ITPR1: variants seen among roughly 807,000 people sequenced by gnomAD.
ITPR1 encodes inositol 1,4,5-trisphosphate receptor type 1, also known as inositol 1,4,5-trisphosphate-gated calcium channel ITPR1.
A neutral mutation model predicts 318.4 loss-of-function variants in ITPR1; 96 were observed. The ratio of observed to expected loss-of-function variants is 0.30; its 90% confidence interval spans 0.26 to 0.36. ITPR1 has a LOEUF of 0.36. Ranked by LOEUF, ITPR1 falls within the 10% of genes least tolerant of loss-of-function variation. ITPR1 has a pLI of 1.00. For synonymous variants in ITPR1, 1,312 were observed against 1,289.9 expected (o/e 1.02, Z -0.37); for missense variants, 2,440 against 3,460.2 (o/e 0.71, Z 7.40).
chr3:4,624,013 G>T (rs2092732630), intron 4 of ITPR1, among the ~76,000 whole-genome samples: 1 of 152,176 alleles, frequency 6.6e-6, no homozygotes, highest in African/African-American at 2.4e-5. Flanking sequence ...TTGTGATGTA[G>T]CCCCTTTGTT....
intron 10 of ITPR1, among the ~76,000 whole-genome samples, chr3:4,650,097 G>GTT (rs2093559362): frequency 6.6e-6 from 1 of 152,072 alleles, no homozygotes; most frequent in Non-Finnish European, 1.5e-5. Flanking sequence ...CCATTGTATG[G>GTT]ATGTATCATA....
chr3:4,567,198 CCCCTT>C (rs2087392971), intron 4 of ITPR1, among the ~76,000 whole-genome samples: 1 of 152,156 alleles, frequency 6.6e-6, no homozygotes, highest in Non-Finnish European at 1.5e-5. Flanking sequence ...AGTGGAGTCT[CCCCTT>C]CAATTCTTAC....
chr3:4,697,120 T>A (rs374980724), intron 33 of ITPR1, 27 bp from the exon 34 acceptor site: 1 of 1,607,090 alleles, frequency 6.2e-7, no homozygotes, highest in Non-Finnish European at 8.5e-7. Flanking sequence ...AGATGGTTTT[T>A]CAGAAAAGCT....
At chr3:4,520,624 T>G (rs1432321229) in intron 3 of ITPR1, among the ~76,000 whole-genome samples, 2 of 152,228 alleles carry the variant, frequency 1.3e-5, no homozygotes, top group Non-Finnish European at 2.9e-5. Flanking sequence ...TTAAGGCTCC[T>G]GCACTAGCCT....
At chr3:4,503,789 C>T (rs2081207577) in intron 2 of ITPR1, among the ~76,000 whole-genome samples, 1 of 152,134 alleles carries the variant, frequency 6.6e-6, no homozygotes, top group South Asian at 2.1e-4. Context: ...CTTGGTGAGA[C>T]TTTTGTCTCT....
Position 4,670,834 on chromosome 3 carries a change from C to A in ITPR1, c.2112C>A (p.Ser704Arg). 1 of 1,610,832 alleles carries A rather than the reference C, an allele frequency of 6.2e-7. No individual in the cohort carries two copies. The highest frequency in any genetic ancestry group is 1.7e-5 in the Admixed American group (1 of 59,602). ...AGGTGTGGCTGTTTTGGAGGGACAGCAACAAAGAGATTCGCAGCAAGAGTG... is the reference window on the plus strand; with the variant it reads ...AGGTGTGGCTGTTTTGGAGGGACAGAAACAAAGAGATTCGCAGCAAGAGTG... ...EEEVWLFWRD[S>R]NKEIRSKSVR... The change falls in exon 20 of 62, where the codon AGC (serine) becomes AGA (arginine). Residue 704 changes from serine to arginine, a missense_variant. Coordinates refer to ENST00000649015, the MANE Select transcript of ITPR1 (RefSeq NM_001378452.1).
rs1371723560 is a variant in ITPR1 at position 4,658,173 on chromosome 3, A to G, written c.1046A>G (p.Glu349Gly). Reference sequence around the variant, plus strand: ...CGAAGTAGGTTGCGGAATGCCCAAGAAAAGATGGTATACTCCCTGGTCTCT... The same window carrying G: ...CGAAGTAGGTTGCGGAATGCCCAAGGAAAGATGGTATACTCCCTGGTCTCT... ...ASRSRLRNAQ[E>G]KMVYSLVSVP... Residue 349 changes from glutamate (E) to glycine (G), a missense_variant, in exon 13 of 62, where the codon GAA becomes GGA. Glu to Gly is a moderately conservative substitution (Grantham distance 98). Around this residue, in one of 23 missense-constraint regions of ITPR1, gnomAD observed 101 missense variants for 119.6 expected, o/e 0.84. Coordinates refer to ENST00000649015, the MANE Select transcript of ITPR1 (RefSeq NM_001378452.1). 3.1e-6 allele frequency: 5 copies of G among 1,613,604 alleles called. No individual in the cohort carries two copies. Among genetic ancestry groups the G allele is most frequent in the South Asian group, 2.2e-5 (2 of 91,030 alleles).
chr3:4,609,001 T>TA (rs56738231), intron 4 of ITPR1, among the ~76,000 whole-genome samples: 4,398 of 53,316 alleles, frequency 0.082, 656 homozygotes, highest in Middle Eastern at 0.12. Context: ...ACTCCGTCTT[T>TA]AAAAAAAAAA....
chr3:4,549,994 A>T (rs1459430319), intron 4 of ITPR1, among the ~76,000 whole-genome samples: 27 of 152,264 alleles, frequency 1.8e-4, no homozygotes, highest in Non-Finnish European at 2.9e-5. Context: ...TCTTGAGACA[A>T]CCCTTCAATG....
intron 3 of ITPR1, among the ~76,000 whole-genome samples, chr3:4,518,695 C>A (rs1016849761): frequency 4.6e-5 from 7 of 152,140 alleles, no homozygotes; most frequent in African/African-American, 1.7e-4. Context: ...TTGAGAACTC[C>A]AATAGGATCT....
intron 42 of ITPR1, among the ~76,000 whole-genome samples, chr3:4,730,649 G>C (rs2042864316): frequency 6.6e-6 from 1 of 151,992 alleles, no homozygotes; most frequent in Non-Finnish European, 1.5e-5. Context: ...CTTGATTGCA[G>C]ACTGACCAGG....
chr3:4,670,405 G>C (rs979121242), intron 19 of ITPR1, among the ~76,000 whole-genome samples: 6 of 152,178 alleles, frequency 3.9e-5, no homozygotes, highest in Admixed American at 1.3e-4. Context: ...TTGTTGTGGG[G>C]CTGTGCTAGG....
At chr3:4,762,214 G>A (rs1347634714) in intron 44 of ITPR1, among the ~76,000 whole-genome samples, 3 of 152,122 alleles carry the variant, frequency 2.0e-5, no homozygotes, top group African/African-American at 4.8e-5. Context: ...ATGTTGCCCA[G>A]GTAGGCCTTG....
intron 60 of ITPR1, among the ~76,000 whole-genome samples, chr3:4,831,954 A>G (rs2050547916): frequency 6.6e-6 from 1 of 152,352 alleles, no homozygotes; most frequent in South Asian, 2.1e-4. Context: ...ACCTTATACC[A>G]CACTAGAGCC....
rs1209918924 is a variant in ITPR1 at position 4,710,447 on chromosome 3, A to G, written c.4965A>G (p.Lys1655=). ...CAGAGAACACAGACGCCAGAAGGAAATGTGAAAGTGGCGGTTTCATTTGCA... is the reference window on the plus strand; with the variant it reads ...CAGAGAACACAGACGCCAGAAGGAAGTGTGAAAGTGGCGGTTTCATTTGCA... ...LFPENTDARR[K]CESGGFICKL... Residue 1655 remains lysine, a synonymous_variant, in exon 38 of 62, where the codon AAA becomes AAG. Transcript: ENST00000649015. This position sits in a 1 kb window ranked among gnomAD's most constrained non-coding sequence, Gnocchi z 4.2. The G allele has an allele frequency of 6.4e-7, 1 of 1,554,136 alleles. No individual in the cohort carries two copies. The highest frequency in any genetic ancestry group is 1.2e-5 in the South Asian group (1 of 84,160).
chr3:4,500,391 G>A lies in ITPR1; in HGVS notation c.-17+5885G>A, dbSNP rs551600278. Reference sequence around the variant, plus strand: ...ATCTTTTTTGTTTTTTTGTAGGGACGGGATCTCGCCATGTTGTCCAGGATG... The same window carrying A: ...ATCTTTTTTGTTTTTTTGTAGGGACAGGATCTCGCCATGTTGTCCAGGATG... On this transcript the variant is annotated intron_variant, in intron 2 of 61. Coordinates refer to ENST00000649015, the MANE Select transcript of ITPR1 (RefSeq NM_001378452.1). 5.3e-5 allele frequency among the ~76,000 whole-genome samples: 8 copies of A among 151,960 alleles called. No individual in the cohort carries two copies. In the East Asian group the frequency reaches 5.8e-4, roughly 11 times the overall value.
At chr3:4,769,011 G>A (rs1277538804) in intron 46 of ITPR1, among the ~76,000 whole-genome samples, 1 of 151,766 alleles carries the variant, frequency 6.6e-6, no homozygotes. Flanking sequence ...TTGGGTTCAA[G>A]CGATTCTCCT....
chr3:4,788,705 G>T (rs1284306712), intron 52 of ITPR1, among the ~76,000 whole-genome samples: 1 of 152,216 alleles, frequency 6.6e-6, no homozygotes, highest in African/African-American at 2.4e-5. Context: ...CATTCGTAGG[G>T]CTTCCCCAGG....
chr3:4,804,677 C>G (rs1276090492), intron 54 of ITPR1, among the ~76,000 whole-genome samples: 1 of 152,152 alleles, frequency 6.6e-6, no homozygotes, highest in African/African-American at 2.4e-5. Context: ...TCCCTGAAAC[C>G]ACATCATCAT....
Sources: allele counts gnomAD v4.1 joint callset (sites outside exome capture counted in the v4.1 genomes callset), GRCh38; gene constraint gnomAD v4.1.1; regional missense constraint gnomAD v4.1.1; non-coding constraint Gnocchi (gnomAD v3.1); transcripts MANE v1.5; gene names NCBI Gene and HGNC (gene_info 2026-07-23, HGNC 2026-07-21).